THUMPD1: variants seen among roughly 807,000 people sequenced by gnomAD.
THUMPD1 encodes THUMP domain 1 NAT10 acetyltransferase adaptor, also known as THUMP domain-containing protein 1.
In THUMPD1, 31 loss-of-function variants were observed where a neutral mutation model predicts 31.6. The ratio of observed to expected loss-of-function variants is 0.98; its 90% CI spans 0.74 to 1.32. The LOEUF (loss-of-function observed/expected upper bound fraction) is 1.32. Ranked by LOEUF, THUMPD1 falls within the 40% of genes most tolerant of loss-of-function variation. The probability of loss-of-function intolerance (pLI) is 0.00; values close to 1 mark genes in which losing one functional copy is unlikely to be tolerated. For missense variants in THUMPD1, 446 were observed against 427.8 expected (o/e 1.04, Z -0.38); for synonymous variants, 166 against 158.2 (o/e 1.05, Z -0.37).
rs562462935 is a variant in THUMPD1, at chr16:20,740,258, T to C, written c.232-1187A>G. Among the ~76,000 whole-genome samples, 31 of 152,258 alleles carry C rather than the reference T, an allele frequency of 2.0e-4. No homozygotes were observed. The East Asian group carries it at 3.5e-3, about 17-fold the overall frequency. ...AAAAATACAAAAAATTAGTCGGGCA[T>C]GGTGGCACATGCCTGCAGTCCCTGC... On this transcript the variant is annotated intron_variant, in intron 1 of 3. Coordinates refer to ENST00000396083, the MANE Select transcript of THUMPD1 (RefSeq NM_017736.5).
At chr16:20,740,024 G>C (rs1394500683) in intron 1 of THUMPD1, among the ~76,000 whole-genome samples, 1 of 152,174 alleles carries the variant, frequency 6.6e-6, no homozygotes, top group Non-Finnish European at 1.5e-5. Context: ...CTTTTGGTGA[G>C]ATTAGACCAA....
intron 2 of THUMPD1, 188 bp from the exon 3 acceptor site, chr16:20,738,144 CTAATA>C: frequency 1.5e-6 from 1 of 685,806 alleles, no homozygotes; most frequent in South Asian, 1.4e-5. Context: ...TATAATGTAT[CTAATA>C]TATTTTAACT....
At position 20,734,506 on chromosome 16, in the gene THUMPD1, T is replaced by G. The variant is rs935952975; in HGVS notation, c.*2374A>C. On this transcript the variant is annotated 3_prime_UTR_variant, in exon 4 of 4. Coordinates refer to ENST00000396083, the MANE Select transcript of THUMPD1 (RefSeq NM_017736.5). ...CAAACAGAACCACCAGCTAGGAGGA[T>G]AAAAATACATTCCCATGTTCACTAG... is the stretch of plus-strand genomic sequence containing the variant. The G allele has an allele frequency of 6.6e-6, 1 of 152,160 alleles. No individual in the cohort carries two copies. Among genetic ancestry groups the G allele is most frequent in the Non-Finnish European group, 1.5e-5 (1 of 67,976 alleles). 9.4% of individuals were successfully genotyped at this position (152,160 alleles called of 1,614,324 possible).
At position 20,741,593 on chromosome 16, in the gene THUMPD1, G is replaced by A. The variant is rs777783856; in HGVS notation, c.147C>T (p.Thr49=). The A allele has an allele frequency of 6.3e-7, 1 of 1,575,624 alleles. No homozygotes were observed. Among genetic ancestry groups the A allele is most frequent in the Admixed American group, 1.8e-5 (1 of 54,560 alleles). Residue 49 remains threonine, a synonymous_variant, in exon 1 of 4, where the codon ACC becomes ACT. Coordinates refer to ENST00000396083, the MANE Select transcript of THUMPD1 (RefSeq NM_017736.5). The part of the protein sequence containing the change: ...LEPGLQGILI[T]CNMNERKCVE... ...CGCACTTGCGCTCGTTCATATTGCA[G>A]GTGATGAGGATGCCCTGTAGCCCGG... is the stretch of plus-strand genomic sequence containing the variant.
rs2079849138 is a variant in THUMPD1, at chr16:20,734,188, AAAC to A, written c.*2689_*2691del. ...TAAAATAGCAGCTTTCACAAAGTAA[AAAC>A]AATTTAGTTCCACAGAGTTGTATGC... On this transcript the variant is annotated 3_prime_UTR_variant, in exon 4 of 4. Coordinates refer to ENST00000396083, the MANE Select transcript of THUMPD1 (RefSeq NM_017736.5). The A allele has an allele frequency of 6.6e-6, 1 of 152,656 alleles. No individual in the cohort carries two copies. Among genetic ancestry groups the A allele is most frequent in the Non-Finnish European group, 1.5e-5 (1 of 68,034 alleles). 9.5% of individuals were successfully genotyped at this position (152,656 alleles called of 1,614,324 possible). A position where few individuals can be genotyped will look rare whatever the true frequency, so the allele number is the denominator to read the frequency against.
At chr16:20,738,054 A>C in intron 2 of THUMPD1, 98 bp from the exon 3 acceptor site, 1 of 1,145,270 alleles carries the variant, frequency 8.7e-7, no homozygotes, top group Non-Finnish European at 1.3e-6. Context: ...AGTTGACAGA[A>C]GAAATTCTCA....
intron 1 of THUMPD1, 49 bp downstream of exon 1, chr16:20,741,460 T>TC: frequency 6.8e-7 from 1 of 1,473,952 alleles, no homozygotes; most frequent in South Asian, 1.4e-5. Flanking sequence ...CCTTCCCTCC[T>TC]CCCGCAAGGC....
Position 20,735,666 on chromosome 16 carries a change from C to G in THUMPD1, c.*1214G>C, listed in dbSNP as rs1463415624. On this transcript the variant is annotated 3_prime_UTR_variant, in exon 4 of 4. Coordinates refer to ENST00000396083, the MANE Select transcript of THUMPD1 (RefSeq NM_017736.5). ...TATTGGCCTTTGTTCTGGCAGGCTC[C>G]TAGCAATAGAAAAAGTTTTCTTTGA... is the stretch of plus-strand genomic sequence containing the variant. 6.6e-6 allele frequency: 1 copy of G among 151,962 alleles called. No individual in the cohort carries two copies. Among genetic ancestry groups the G allele is most frequent in the African/African-American group, 2.4e-5 (1 of 41,378 alleles). 9.4% of individuals were successfully genotyped at this position (151,962 alleles called of 1,614,324 possible).
chr16:20,739,025 T>C lies in THUMPD1; in HGVS notation c.278A>G (p.Asp93Gly). 6.2e-7 allele frequency: 1 copy of C among 1,614,196 alleles called. No homozygotes were observed. The highest frequency in any genetic ancestry group is 8.5e-7 in the Non-Finnish European group (1 of 1,180,040). Residue 93 changes from aspartate to glycine, a missense_variant, in exon 2 of 4, where the codon GAT (aspartate) becomes GGT (glycine). By Grantham distance (94) the Asp-to-Gly change is moderately conservative (BLOSUM62 -1). Coordinates refer to ENST00000396083, the MANE Select transcript of THUMPD1 (RefSeq NM_017736.5). ...QQPSGSEGEDDDAEAALKKEV... is the reference protein window; with the variant it reads ...QQPSGSEGEDGDAEAALKKEV... ...TTTCTTCAAGGCAGCCTCCGCATCATCATCCTCTCCCTCACTTCCAGAGGG... is the reference window on the plus strand; with the variant it reads ...TTTCTTCAAGGCAGCCTCCGCATCACCATCCTCTCCCTCACTTCCAGAGGG...
chr16:20,738,987 T>C lies in THUMPD1; in HGVS notation c.316A>G (p.Ile106Val). Reference sequence around the variant, plus strand: ...AACCTCATCTCTGTAGATGCCTTAATGTCACCAACTTCTTTCTTCAAGGCA... The same window carrying C: ...AACCTCATCTCTGTAGATGCCTTAACGTCACCAACTTCTTTCTTCAAGGCA... ...EAALKKEVGD[I>V]KASTEMRLRR... Residue 106 changes from isoleucine (I) to valine (V), a missense_variant, in exon 2 of 4, where the codon ATT becomes GTT. By Grantham distance (29) the Ile-to-Val change is conservative. Transcript: ENST00000396083. The C allele has an allele frequency of 1.2e-6, 2 of 1,614,230 alleles. No homozygotes were observed. The highest frequency in any genetic ancestry group is 1.1e-5 in the South Asian group (1 of 91,086).
intron 2 of THUMPD1, chr16:20,738,310 CAAAAAA>C (rs200704193): frequency 4.6e-6 from 1 of 219,226 alleles, no homozygotes; most frequent in South Asian, 3.0e-5. Flanking sequence ...CACTTTTTTA[CAAAAAA>C]AAAAAAAAAA....
rs1240935740 is a variant in THUMPD1 at position 20,741,715 on chromosome 16, T to C, written c.25A>G (p.Thr9Ala). Residue 9 changes from threonine to alanine, a missense_variant, in exon 1 of 4, where the codon ACT (threonine) becomes GCT (alanine). Thr to Ala is a moderately conservative substitution (Grantham distance 58). Transcript: ENST00000396083. The part of the protein sequence containing the change: MAAPAQQT[T>A]QPGGGKRKGK... ...TTGCGCTTCCCGCCGCCAGGCTGAG[T>C]AGTCTGCTGGGCAGGGGCCGCCATG... 1.3e-6 allele frequency: 2 copies of C among 1,576,872 alleles called. No individual in the cohort carries two copies. Among genetic ancestry groups the C allele is most frequent in the Non-Finnish European group, 1.7e-6 (2 of 1,161,058 alleles).
intron 1 of THUMPD1, 28 bp downstream of exon 1, chr16:20,741,481 G>GGGGGGGGGGGGGGGGC: frequency 1.6e-5 from 21 of 1,308,408 alleles, no homozygotes; most frequent in Non-Finnish European, 1.9e-5. Context: ...CTGGCAGCCG[G>GGGGGGGGGGGGGGGGC]CCCGCCCGCC....
chr16:20,738,551 ACTT>A (rs1177072112), intron 2 of THUMPD1, among the ~76,000 whole-genome samples: 1 of 152,168 alleles, frequency 6.6e-6, no homozygotes, highest in Non-Finnish European at 1.5e-5. Context: ...CAGATTTCAA[ACTT>A]CTTTTGAGAA....
intron 1 of THUMPD1, among the ~76,000 whole-genome samples, chr16:20,741,170 G>C (rs543537731): frequency 6.6e-6 from 1 of 152,186 alleles, no homozygotes; most frequent in Admixed American, 6.5e-5. Flanking sequence ...GCTGAGACAG[G>C]AGAAGTCGAG....
chr16:20,741,692 G>A lies in THUMPD1; in HGVS notation c.48C>T (p.Arg16=). 1.9e-6 allele frequency: 3 copies of A among 1,580,018 alleles called. No individual in the cohort carries two copies. Among genetic ancestry groups the A allele is most frequent in the Non-Finnish European group, 2.6e-6 (3 of 1,163,056 alleles). The change falls in exon 1 of 4, where the codon CGC becomes CGT. Residue 16 remains arginine, a synonymous_variant. Transcript: ENST00000396083. ...CCAGCACATACTGAGCCTTGCCTTT[G>A]CGCTTCCCGCCGCCAGGCTGAGTAG... ...QQTTQPGGGK[R]KGKAQYVLAK...
chr16:20,740,938 A>G (rs2079913269), intron 1 of THUMPD1, among the ~76,000 whole-genome samples: 1 of 152,228 alleles, frequency 6.6e-6, no homozygotes, highest in Non-Finnish European at 1.5e-5. Context: ...AAAGAGCTTC[A>G]GCACACCGCC....
chr16:20,740,036 T>C (rs2079903655), intron 1 of THUMPD1, among the ~76,000 whole-genome samples: 1 of 152,154 alleles, frequency 6.6e-6, no homozygotes. Flanking sequence ...TTAGACCAAA[T>C]ACCTGTGGAA....
chr16:20,737,342 A>G, intron 3 of THUMPD1, 56 bp from the exon 4 acceptor site: 1 of 1,512,648 alleles, frequency 6.6e-7, no homozygotes. Context: ...CATCTGATAG[A>G]TACAAAAAAT....
Sources: gnomAD v4.1 joint callset for allele counts (sites outside exome capture counted in the v4.1 genomes callset) on GRCh38, gnomAD v4.1.1 for gene constraint, MANE v1.5 for transcripts, NCBI Gene and HGNC (gene_info 2026-07-23, HGNC 2026-07-21) for gene names.